Variants in TRMT44 observed in about 807,000 individuals in gnomAD.
The protein encoded by TRMT44 is probable tRNA (uracil-O(2)-)-methyltransferase.
A neutral mutation model predicts 77.3 loss-of-function variants in TRMT44; 78 were observed. That is an observed-to-expected ratio of 1.01 (90% CI 0.84 to 1.22). The LOEUF (loss-of-function observed/expected upper bound fraction) is 1.22. TRMT44 is among the 50% of genes most tolerant of loss of function. The pLI is 0.00. For missense variants in TRMT44, 1,090 were observed against 964.4 expected, an observed-to-expected ratio of 1.13 and a Z score of -1.73; for synonymous variants, 391 against 383.3, an observed-to-expected ratio of 1.02 and a Z score of -0.23.
chr4:8,475,003 G>C lies in TRMT44; in HGVS notation c.2045-769G>C, dbSNP rs373241089. Reference sequence around the variant, plus strand: ...TTGGGTCCCAGTGGCACTTTCAGAGGGGGTATCTAAACTACTGCACATAGG... The same window carrying C: ...TTGGGTCCCAGTGGCACTTTCAGAGCGGGTATCTAAACTACTGCACATAGG... On this transcript the variant is annotated intron_variant, in intron 10 of 10. Coordinates refer to ENST00000389737, the MANE Select transcript of TRMT44 (RefSeq NM_152544.3). 1.1e-4 allele frequency among the ~76,000 whole-genome samples: 17 copies of C among 152,282 alleles called. No individual in the cohort carries two copies. The East Asian group carries it at 2.9e-3, about 26-fold the overall frequency.
intron 8 of TRMT44, among the ~76,000 whole-genome samples, chr4:8,466,209 T>TA (rs1322056370): frequency 6.6e-6 from 1 of 152,234 alleles, no homozygotes; most frequent in Non-Finnish European, 1.5e-5. Context: ...AGTGTGCTTT[T>TA]AAAAAATAAC....
the TRMT44 span, among the ~76,000 whole-genome samples, chr4:8,504,241 TC>T: frequency 4.6e-5 from 7 of 152,104 alleles, no homozygotes; most frequent in Non-Finnish European, 8.8e-5. This position sits in a 1 kb window ranked among gnomAD's most constrained non-coding sequence, Gnocchi z 5.3. Flanking sequence ...TCCTCGGCTT[TC>T]CCCATGGCCC....
chr4:8,494,836 T>C (rs1332339800), downstream of TRMT44, among the ~76,000 whole-genome samples: 1 of 151,916 alleles, frequency 6.6e-6, no homozygotes, highest in Admixed American at 6.6e-5. Flanking sequence ...CTGTCTTATA[T>C]AGGGATAAAA....
chr4:8,443,973 G>A, intron 1 of TRMT44, among the ~76,000 whole-genome samples: 1 of 151,448 alleles, frequency 6.6e-6, no homozygotes, highest in Non-Finnish European at 1.5e-5. Flanking sequence ...AAAAAAAAAA[G>A]GAATGTGACT....
chr4:8,475,936 C>T lies in TRMT44; in HGVS notation c.2209C>T (p.Pro737Ser), dbSNP rs375862185. ...DGCALSTDCC[P>S]FAHGPAELRP... The stretch of plus-strand genomic sequence containing the variant: ...CTGCGCTCTGTCCACGGACTGCTGC[C>T]CGTTTGCCCATGGGCCTGCGGAGCT... The change falls in exon 11 of 11, where the codon CCG (proline) becomes TCG (serine). Residue 737 changes from proline (P) to serine (S), a missense_variant. Coordinates refer to ENST00000389737, the MANE Select transcript of TRMT44 (RefSeq NM_152544.3). 1 of 1,614,086 alleles carries T rather than the reference C, an allele frequency of 6.2e-7. No individual in the cohort carries two copies. Among genetic ancestry groups the T allele is most frequent in the Non-Finnish European group, 8.5e-7 (1 of 1,180,056 alleles).
Position 8,469,588 on chromosome 4 carries a change from G to A in TRMT44, c.1927+1242G>A, listed in dbSNP as rs920067109. Among the ~76,000 whole-genome samples, 16 of 152,352 alleles carry A rather than the reference G, an allele frequency of 1.1e-4. 1 individual carries two copies. Among genetic ancestry groups the A allele is most frequent in the Admixed American group, 9.8e-4 (15 of 15,314 alleles). On this transcript the variant is annotated intron_variant, in intron 9 of 10. Coordinates refer to ENST00000389737, the MANE Select transcript of TRMT44 (RefSeq NM_152544.3). ...ATGGACGGCTTTCGGTGGGTGAGGAGGAAGGAGGAACAGACCTGGAGATGG... is the reference window on the plus strand; with the variant it reads ...ATGGACGGCTTTCGGTGGGTGAGGAAGAAGGAGGAACAGACCTGGAGATGG...
chr4:8,503,376 G>T, the TRMT44 span, among the ~76,000 whole-genome samples: 1 of 152,348 alleles, frequency 6.6e-6, no homozygotes, highest in African/African-American at 2.4e-5. Flanking sequence ...CCCCGGGGAA[G>T]CAGCCTAAAG....
At chr4:8,458,014 C>T (rs1344829644) in intron 6 of TRMT44, among the ~76,000 whole-genome samples, 1 of 152,162 alleles carries the variant, frequency 6.6e-6, no homozygotes, top group Non-Finnish European at 1.5e-5. Flanking sequence ...TGCTGCCAAC[C>T]CAGCGCCAGA....
intron 2 of TRMT44, among the ~76,000 whole-genome samples, chr4:8,491,118 C>T (rs950022246): frequency 6.6e-6 from 1 of 151,922 alleles, no homozygotes; most frequent in Non-Finnish European, 1.5e-5. Flanking sequence ...TCTCCAAGGC[C>T]CCACCAGAGC....
intron 8 of TRMT44, among the ~76,000 whole-genome samples, chr4:8,467,450 T>C (rs1041274173): frequency 1.2e-4 from 19 of 152,146 alleles, no homozygotes; most frequent in Non-Finnish European, 5.9e-5. Flanking sequence ...GTTACTTATA[T>C]TGGTGTCAGT....
chr4:8,452,776 T>G lies in TRMT44; in HGVS notation c.1024-106T>G. The G allele has an allele frequency of 1.6e-6, 1 of 612,562 alleles. No homozygotes were observed. Among genetic ancestry groups the G allele is most frequent in the Non-Finnish European group, 2.7e-6 (1 of 365,334 alleles). 37.9% of individuals were successfully genotyped at this position (612,562 alleles called of 1,614,324 possible). On this transcript the variant is annotated intron_variant, in intron 4 of 10. Coordinates refer to ENST00000389737, the MANE Select transcript of TRMT44 (RefSeq NM_152544.3). This position sits in a 1 kb window ranked among gnomAD's most constrained non-coding sequence, Gnocchi z 5.7. ...AAAAGAATGTTTAGTGTAGATGATT[T>G]CAAGTTTCCTTTCACTCAGAGTTTT...
chr4:8,450,226 G>A (rs749051136), intron 3 of TRMT44, among the ~76,000 whole-genome samples: 3 of 151,880 alleles, frequency 2.0e-5, no homozygotes, highest in African/African-American at 7.3e-5. Flanking sequence ...GTGAGCCACC[G>A]TGTCCAGCTC....
At chr4:8,445,690 C>T (rs982212250) in intron 1 of TRMT44, among the ~76,000 whole-genome samples, 2 of 152,230 alleles carry the variant, frequency 1.3e-5, no homozygotes, top group Admixed American at 6.5e-5. Context: ...TTCTCGGCCC[C>T]ACACTGCTTG....
intron 10 of TRMT44, among the ~76,000 whole-genome samples, chr4:8,473,938 G>A (rs1727195074): frequency 1.3e-5 from 2 of 152,200 alleles, no homozygotes; most frequent in East Asian, 1.9e-4. Flanking sequence ...CCGTTCGGGA[G>A]CCTCATCTCT....
intron 2 of TRMT44, among the ~76,000 whole-genome samples, chr4:8,484,837 G>A (rs1727753336): frequency 6.6e-6 from 1 of 152,232 alleles, no homozygotes; most frequent in Non-Finnish European, 1.5e-5. Context: ...GGGTTGTTTT[G>A]TAGAAGGGTT....
At chr4:8,470,757 C>T (rs947838207) in intron 9 of TRMT44, among the ~76,000 whole-genome samples, 1 of 152,214 alleles carries the variant, frequency 6.6e-6, no homozygotes, top group African/African-American at 2.4e-5. Context: ...TCCAAACAGC[C>T]ACCCCCCTTC....
intron 10 of TRMT44, among the ~76,000 whole-genome samples, chr4:8,474,810 G>A (rs192425730): frequency 2.7e-4 from 41 of 152,270 alleles, no homozygotes; most frequent in Admixed American, 1.9e-3. Flanking sequence ...AAATGGGAGC[G>A]TAGGGGGGTA....
rs534617409 is a variant in TRMT44 at position 8,452,106 on chromosome 4, AT to A, written c.1023+82del. ...GCAGATGTTCCCTGTAGTGAAGGAC[AT>A]TTTCCAAATCCATAACTGCCGGTGC... On this transcript the variant is annotated intron_variant, in intron 4 of 10. Transcript: ENST00000389737. The surrounding 1 kb of genome is among the most constrained non-coding windows in gnomAD (Gnocchi z 5.7). 1,026 of 1,316,518 alleles carry A rather than the reference AT, an allele frequency of 7.8e-4. 3 individuals are homozygous for A. The highest frequency in any genetic ancestry group is 3.8e-3 in the Middle Eastern group (21 of 5,508). The allele number at this position is 1,316,518 out of a possible 1,614,324, so 81.6% of individuals were successfully genotyped here. A position where few individuals can be genotyped will look rare whatever the true frequency, so the allele number is the denominator to read the frequency against.
chr4:8,471,838 G>A lies in TRMT44; in HGVS notation c.2044+638G>A, dbSNP rs368830157. 1.4e-4 allele frequency among the ~76,000 whole-genome samples: 22 copies of A among 152,318 alleles called. No individual in the cohort carries two copies. In the East Asian group the frequency reaches 2.9e-3, roughly 20 times the overall value. ...CATCCCTGGCCTTCTGGAGCCGGTGGTGCAGTGAGGGAGGGGGGAGATGTA... is the reference window on the plus strand; with the variant it reads ...CATCCCTGGCCTTCTGGAGCCGGTGATGCAGTGAGGGAGGGGGGAGATGTA... On this transcript the variant is annotated intron_variant, in intron 10 of 10. Coordinates refer to ENST00000389737, the MANE Select transcript of TRMT44 (RefSeq NM_152544.3).
Sources: gnomAD v4.1 joint callset for allele counts (sites outside exome capture counted in the v4.1 genomes callset) on GRCh38, gnomAD v4.1.1 for gene constraint, Gnocchi (gnomAD v3.1) non-coding constraint, MANE v1.5 for transcripts, NCBI Gene and HGNC (gene_info 2026-07-23, HGNC 2026-07-21) for gene names.